The following PELI2 variants were observed in gnomAD, a reference collection of about 807,000 sequenced individuals.
PELI2 encodes pellino E3 ubiquitin protein ligase family member 2.
PELI2 carries 23 observed loss-of-function variants against 42.3 expected under a neutral mutation model. The ratio of observed to expected loss-of-function variants is 0.54; its 90% CI spans 0.39 to 0.77. The LOEUF (loss-of-function observed/expected upper bound fraction) is 0.77. Among genes scored for constraint, PELI2 ranks in the 30% least tolerant of loss-of-function variants. The probability of loss-of-function intolerance (pLI) is 0.00; values close to 1 mark genes in which losing one functional copy is unlikely to be tolerated. For synonymous variants in PELI2, 245 were observed against 212.2 expected, an observed-to-expected ratio of 1.15 and a Z score of -1.34; for missense variants, 463 against 553.2, an observed-to-expected ratio of 0.84 and a Z score of 1.64.
intron 2 of PELI2, among the ~76,000 whole-genome samples, chr14:56,222,567 AGT>A (rs1441046139): frequency 2.0e-5 from 3 of 152,256 alleles, no homozygotes; most frequent in African/African-American, 2.4e-5. Context: ...AAATGAAAAA[AGT>A]GTTTCATCAA....
intron 2 of PELI2, among the ~76,000 whole-genome samples, chr14:56,251,524 A>T (rs992466274): frequency 1.3e-5 from 2 of 152,040 alleles, no homozygotes; most frequent in Non-Finnish European, 2.9e-5. Context: ...CGTTATTGTT[A>T]CCCTGTTGGT....
chr14:56,227,486 G>T (rs190040494), intron 2 of PELI2, among the ~76,000 whole-genome samples: 2 of 152,206 alleles, frequency 1.3e-5, no homozygotes, highest in African/African-American at 2.4e-5. Context: ...AGGAGAAAAC[G>T]AGAATGAATG....
intron 2 of PELI2, among the ~76,000 whole-genome samples, chr14:56,221,706 A>G (rs1036513253): frequency 2.6e-5 from 4 of 152,234 alleles, no homozygotes; most frequent in South Asian, 2.1e-4. Context: ...GTCTGAAACC[A>G]TCGGTGAATG....
chr14:56,214,595 G>A (rs4901655), intron 2 of PELI2, among the ~76,000 whole-genome samples: 61,236 of 152,018 alleles, frequency 0.4, 13,057 homozygotes, highest in South Asian at 0.53. Context: ...TCTTGGAGGG[G>A]ACCCAGCTTG....
intron 2 of PELI2, among the ~76,000 whole-genome samples, chr14:56,227,357 G>T (rs1445581716): frequency 1.3e-5 from 2 of 152,248 alleles, no homozygotes; most frequent in Non-Finnish European, 2.9e-5. Flanking sequence ...GGCTGGGCCT[G>T]GTGGTGGCAG....
At chr14:56,265,318 A>G (rs909197741) in intron 2 of PELI2, among the ~76,000 whole-genome samples, 3 of 152,174 alleles carry the variant, frequency 2.0e-5, no homozygotes, top group African/African-American at 7.2e-5. Flanking sequence ...GCCCAGAAAT[A>G]GACCCATATA....
At chr14:56,262,680 G>C (rs1159952113) in intron 2 of PELI2, among the ~76,000 whole-genome samples, 1 of 152,098 alleles carries the variant, frequency 6.6e-6, no homozygotes, top group Non-Finnish European at 1.5e-5. Flanking sequence ...CATGCCAAAG[G>C]ACTCATGGTT....
intron 5 of PELI2, among the ~76,000 whole-genome samples, chr14:56,290,973 AT>A (rs1176742937): frequency 1.3e-5 from 2 of 152,214 alleles, no homozygotes; most frequent in African/African-American, 4.8e-5. Flanking sequence ...ACTTGAAATG[AT>A]TTATATACTG....
At chr14:56,242,506 A>C (rs971630002) in intron 2 of PELI2, among the ~76,000 whole-genome samples, 1 of 152,206 alleles carries the variant, frequency 6.6e-6, no homozygotes, top group Admixed American at 6.5e-5. Context: ...CTGGGCATCT[A>C]CCCAAAGGAA....
At chr14:56,240,307 A>G (rs1184322790) in intron 2 of PELI2, among the ~76,000 whole-genome samples, 1 of 152,124 alleles carries the variant, frequency 6.6e-6, no homozygotes. Context: ...ACGGTGGAGC[A>G]GGAGAGAAGG....
Position 56,178,871 on chromosome 14 carries a change from T to C in PELI2, c.207+407T>C, listed in dbSNP as rs193134407. On this transcript the variant is annotated intron_variant, in intron 2 of 5. Coordinates refer to ENST00000267460, the MANE Select transcript of PELI2 (RefSeq NM_021255.3). ...TGATGTTCTTTATCCTAAAGAGTTT[T>C]TGTTTTAAATCTGGGTATAAACCTC... 2.8e-3 allele frequency among the ~76,000 whole-genome samples: 419 copies of C among 152,358 alleles called. 1 individual carries two copies. The highest frequency in any genetic ancestry group is 9.1e-3 in the African/African-American group (379 of 41,584).
intron 1 of PELI2, among the ~76,000 whole-genome samples, chr14:56,173,837 G>T (rs1228765180): frequency 1.3e-5 from 2 of 152,190 alleles, no homozygotes; most frequent in African/African-American, 4.8e-5. Context: ...CTCATCTTGA[G>T]ATCCTGGGCT....
intron 2 of PELI2, among the ~76,000 whole-genome samples, chr14:56,191,935 A>G (rs1475119413): frequency 6.6e-6 from 1 of 151,222 alleles, no homozygotes; most frequent in Non-Finnish European, 1.5e-5. Flanking sequence ...GCTCACTGCA[A>G]CCTCTGTCAC....
At chr14:56,244,533 A>C (rs1277329805) in intron 2 of PELI2, among the ~76,000 whole-genome samples, 1 of 152,204 alleles carries the variant, frequency 6.6e-6, no homozygotes, top group Non-Finnish European at 1.5e-5. Flanking sequence ...ATAATGAACA[A>C]AAGGTTCCCA....
intron 1 of PELI2, among the ~76,000 whole-genome samples, chr14:56,167,873 G>A (rs758437631): frequency 1.3e-5 from 2 of 152,186 alleles, no homozygotes; most frequent in African/African-American, 2.4e-5. Context: ...AGCTATATCG[G>A]CTTTAGGGGG....
chr14:56,248,357 A>G (rs1888230882), intron 2 of PELI2, among the ~76,000 whole-genome samples: 1 of 152,096 alleles, frequency 6.6e-6, no homozygotes, highest in African/African-American at 2.4e-5. Context: ...GTGAGAGAAT[A>G]CAGATCATTA....
chr14:56,294,055 C>T (rs1166962031), intron 5 of PELI2, among the ~76,000 whole-genome samples: 4 of 151,968 alleles, frequency 2.6e-5, no homozygotes, highest in Non-Finnish European at 5.9e-5. Flanking sequence ...GGTGGTGGGG[C>T]GGGGAAGGAG....
At chr14:56,178,576 C>A in intron 2 of PELI2, 112 bp downstream of exon 2, 1 of 1,189,616 alleles carries the variant, frequency 8.4e-7, no homozygotes, top group Non-Finnish European at 1.2e-6. Context: ...GTCTCTCAGA[C>A]CATTTGAGGC....
At chr14:56,168,573 G>A (rs1042211434) in intron 1 of PELI2, among the ~76,000 whole-genome samples, 1 of 151,926 alleles carries the variant, frequency 6.6e-6, no homozygotes, top group Non-Finnish European at 1.5e-5. Flanking sequence ...AGGGCAGTGG[G>A]GTCCCCTTTG....
Sources: gnomAD v4.1 joint callset for allele counts (sites outside exome capture counted in the v4.1 genomes callset) on GRCh38, gnomAD v4.1.1 for gene constraint, MANE v1.5 for transcripts, NCBI Gene and HGNC (gene_info 2026-07-23, HGNC 2026-07-21) for gene names.